The following HPS5 variants were observed in gnomAD, a reference collection of about 807,000 sequenced individuals.
HPS5 encodes the protein HPS5 biogenesis of lysosomal organelles complex 2 subunit 2, also known as BLOC-2 complex member HPS5.
HPS5 carries 83 observed loss-of-function variants against 128.0 expected under a neutral mutation model. The observed-to-expected ratio is 0.65, with a 90% confidence interval of 0.54 to 0.78. The LOEUF (loss-of-function observed/expected upper bound fraction) is 0.78. Ranked by LOEUF, HPS5 falls within the 30% of genes least tolerant of loss-of-function variation. The pLI is 0.00. For synonymous variants in HPS5, 475 were observed against 470.2 expected (o/e 1.01, Z -0.13); for missense variants, 1,281 against 1,326.2 (o/e 0.97, Z 0.53).
At chr11:18,314,321 G>C (rs1255738107) in intron 2 of HPS5, 1 of 152,382 alleles carries the variant, frequency 6.6e-6, no homozygotes, top group Non-Finnish European at 1.5e-5. Context: ...TTGAGGCCAG[G>C]TGTTCAAGAC....
In HPS5 at chr11:18,322,119, G is replaced by A. The variant is rs1864448746; in HGVS notation, c.-223C>T. 6.6e-6 allele frequency: 1 copy of A among 152,330 alleles called. No individual in the cohort carries two copies. Among genetic ancestry groups the A allele is most frequent in the Non-Finnish European group, 1.5e-5 (1 of 68,130 alleles). 9.4% of individuals were successfully genotyped at this position (152,330 alleles called of 1,614,324 possible). The stretch of plus-strand genomic sequence containing the variant: ...ATCGGATCTTGTCTCCCGGCTTAGC[G>A]CCGGGGAACTCACCGCGCACTAAGA... On this transcript the variant is annotated 5_prime_UTR_variant, in exon 1 of 23. Coordinates refer to ENST00000349215, the MANE Select transcript of HPS5 (RefSeq NM_181507.2).
At position 18,298,909 on chromosome 11, in the gene HPS5, G is replaced by A. The variant is rs1166699786; in HGVS notation, c.1047C>T (p.Val349=). 4 of 1,614,172 alleles carry A rather than the reference G, an allele frequency of 2.5e-6. No individual in the cohort carries two copies. Among genetic ancestry groups the A allele is most frequent in the South Asian group, 1.1e-5 (1 of 91,086 alleles). The change falls in exon 10 of 23, where the codon GTC becomes GTT. Residue 349 remains valine (V), a synonymous_variant. Coordinates refer to ENST00000349215, the MANE Select transcript of HPS5 (RefSeq NM_181507.2). ...CCACAGATATCAGGGAGAGATGTGA[G>A]ACTTTCCCATTTAGGTGCAAACAGA... ...ELFCLHLNGK[V]SHLSLISVER...
At chr11:18,287,064 T>C (rs991667190) in intron 18 of HPS5, 8 of 513,644 alleles carry the variant, frequency 1.6e-5, no homozygotes, top group East Asian at 3.4e-5. Flanking sequence ...CTGGGCAACA[T>C]TGTGGCAAAT....
intron 18 of HPS5, 34 bp from the exon 19 acceptor site, chr11:18,286,744 T>C: frequency 6.2e-7 from 1 of 1,612,618 alleles, no homozygotes; most frequent in South Asian, 1.1e-5. Flanking sequence ...GTCACCAATC[T>C]TCATGCTAAG....
intron 5 of HPS5, 119 bp from the exon 6 acceptor site, chr11:18,309,198 G>C (rs1264653463): frequency 2.0e-6 from 2 of 998,620 alleles, no homozygotes; most frequent in Non-Finnish European, 3.0e-6. Context: ...TTTCAAATAA[G>C]CCAAAACTTA....
Position 18,306,330 on chromosome 11 carries a change from A to T in HPS5, c.629T>A (p.Ile210Asn). ...TTCTCCATCTCTTTCCTTGTTTCCA[A>T]TTTTCCAAAACTTTTCTCTAACATC... The part of the protein sequence containing the change: ...CDTEREKFWK[I>N]GNKERDGEYG... Residue 210 changes from isoleucine to asparagine, a missense_variant, in exon 7 of 23, where the codon ATT becomes AAT. Transcript: ENST00000349215. 2 of 1,613,880 alleles carry T rather than the reference A, an allele frequency of 1.2e-6. No homozygotes were observed. Among genetic ancestry groups the T allele is most frequent in the Non-Finnish European group, 1.7e-6 (2 of 1,179,856 alleles).
At chr11:18,311,029 C>T in intron 4 of HPS5, 96 bp from the exon 5 acceptor site, 1 of 874,952 alleles carries the variant, frequency 1.1e-6, no homozygotes, top group Non-Finnish European at 1.9e-6. Context: ...ACATATGCAA[C>T]TCTTGTTCTT....
At chr11:18,307,940 T>C (rs1051660892) in intron 6 of HPS5, among the ~76,000 whole-genome samples, 1 of 152,204 alleles carries the variant, frequency 6.6e-6, no homozygotes, top group South Asian at 2.1e-4. Flanking sequence ...AGTTATGAAA[T>C]AGGTACACAG....
intron 2 of HPS5, chr11:18,314,283 CT>C (rs1182264353): frequency 1.3e-5 from 2 of 152,380 alleles, no homozygotes; most frequent in Non-Finnish European, 2.9e-5. Flanking sequence ...CCACCCAGCA[CT>C]TTGGGAGGCC....
intron 21 of HPS5, among the ~76,000 whole-genome samples, chr11:18,283,481 G>A (rs1284246934): frequency 2.7e-5 from 4 of 149,972 alleles, no homozygotes; most frequent in Non-Finnish European, 6.0e-5. Flanking sequence ...GGAAATAATA[G>A]TAACTATCCC....
At chr11:18,301,967 TACTC>T (rs1259585739) in intron 8 of HPS5, among the ~76,000 whole-genome samples, 1 of 152,080 alleles carries the variant, frequency 6.6e-6, no homozygotes, top group African/African-American at 2.4e-5. Flanking sequence ...TTCACTAACC[TACTC>T]ACTATTATCT....
intron 2 of HPS5, among the ~76,000 whole-genome samples, chr11:18,315,661 T>C (rs1381596005): frequency 6.6e-6 from 1 of 151,512 alleles, no homozygotes; most frequent in Non-Finnish European, 1.5e-5. Context: ...AAAGCTTCCT[T>C]CCAAAAGAAA....
At chr11:18,307,123 C>T (rs78767856) in intron 6 of HPS5, among the ~76,000 whole-genome samples, 2 of 152,326 alleles carry the variant, frequency 1.3e-5, no homozygotes, top group East Asian at 1.9e-4. Context: ...AACAGCAGAT[C>T]ATGACTTTTC....
intron 4 of HPS5, among the ~76,000 whole-genome samples, 196 bp from the exon 5 acceptor site, chr11:18,311,129 A>C (rs898056070): frequency 2.0e-5 from 3 of 152,370 alleles, no homozygotes; most frequent in Admixed American, 2.0e-4. Flanking sequence ...TAAATGATCT[A>C]AATTATCTCT....
At position 18,282,187 on chromosome 11, in the gene HPS5, A is replaced by G. The variant is rs748698252; in HGVS notation, c.3092T>C (p.Leu1031Pro). Residue 1031 changes from leucine to proline, a missense_variant, in exon 22 of 23, where the codon CTT becomes CCT. Coordinates refer to ENST00000349215, the MANE Select transcript of HPS5 (RefSeq NM_181507.2). ...WIPETVEEWK[L>P]LLHLIQSKST... Reference sequence around the variant, plus strand: ...CTTGCTCTGTATGAGATGAAGGAGAAGCTTCCATTCCTCCACGGTCTCTGG... The same window carrying G: ...CTTGCTCTGTATGAGATGAAGGAGAGGCTTCCATTCCTCCACGGTCTCTGG... The G allele has an allele frequency of 1.1e-5, 18 of 1,614,066 alleles. No homozygotes were observed. Among genetic ancestry groups the G allele is most frequent in the Non-Finnish European group, 1.4e-5 (17 of 1,180,034 alleles).
chr11:18,320,572 T>C (rs538763410), intron 1 of HPS5, among the ~76,000 whole-genome samples: 1 of 152,358 alleles, frequency 6.6e-6, no homozygotes. Flanking sequence ...ACAAGCTGTC[T>C]CTTTCCAAAA....
At chr11:18,303,248 G>C (rs1331704940) in intron 8 of HPS5, among the ~76,000 whole-genome samples, 1 of 138,268 alleles carries the variant, frequency 7.2e-6, no homozygotes, top group Non-Finnish European at 1.5e-5. Context: ...TATCATTTGA[G>C]GGTTTTCTAT....
chr11:18,305,301 T>C, intron 8 of HPS5, 121 bp downstream of exon 8: 1 of 687,426 alleles, frequency 1.5e-6, no homozygotes, highest in Non-Finnish European at 2.6e-6. Context: ...AATTATTTCC[T>C]AACTTTCTAT....
In HPS5 at chr11:18,317,802, T is replaced by C; in HGVS notation, c.57A>G (p.Glu19=). The C allele has an allele frequency of 6.2e-7, 1 of 1,613,842 alleles. No individual in the cohort carries two copies. The highest frequency in any genetic ancestry group is 8.5e-7 in the Non-Finnish European group (1 of 1,179,892). Residue 19 remains glutamate, a synonymous_variant, in exon 2 of 23, where the codon GAA becomes GAG. Transcript: ENST00000349215. Reference sequence around the variant, plus strand: ...GGGCTGAGAGTAATGGATCCAGAGATTCAAACTCTGCAAGAACATGGCTGT... The same window carrying C: ...GGGCTGAGAGTAATGGATCCAGAGACTCAAACTCTGCAAGAACATGGCTGT... ...ESYSHVLAEF[E]SLDPLLSALR... is the part of the protein sequence containing the mutation.
Sources: allele counts gnomAD v4.1 joint callset (sites outside exome capture counted in the v4.1 genomes callset), GRCh38; gene constraint gnomAD v4.1.1; transcripts MANE v1.5; gene names NCBI Gene and HGNC (gene_info 2026-07-23, HGNC 2026-07-21).